Variants in DCAF8L2 observed in about 807,000 individuals in gnomAD.
DCAF8L2 encodes the protein DDB1 and CUL4 associated factor 8 like 2.
For missense variants in DCAF8L2, 430 were observed against 490.7 expected (o/e 0.88, Z 1.17); for synonymous variants, 200 against 190.9 (o/e 1.05, Z -0.39).
intron 2 of DCAF8L2, among the ~76,000 whole-genome samples, chrX:27,658,471 A>G (rs1023353316): frequency 6.2e-5 from 7 of 112,165 alleles, no homozygotes; most frequent in Non-Finnish European, 9.4e-5. Flanking sequence ...GAAAAAATGT[A>G]TAAGCCTTTT....
the DCAF8L2 span, chrX:27,518,810 G>A: frequency 2.0e-6 from 1 of 504,086 alleles, no homozygotes; most frequent in Non-Finnish European, 3.6e-6. Context: ...TTGTGGCTAG[G>A]TGTTGATGCT....
the DCAF8L2 span, chrX:27,518,854 T>C: frequency 2.2e-5 from 12 of 550,471 alleles, no homozygotes; most frequent in East Asian, 3.3e-4. Context: ...TGATGACAAG[T>C]TGACATCTAA....
rs781214191 is a variant in DCAF8L2, at chrX:27,724,555, C to T, written c.-59+8384C>T. ...GAACAAGGGGAAAAAAACCTTTTTACTCCAGAAGTCATTACTGTACTGGGT... is the reference window on the plus strand; with the variant it reads ...GAACAAGGGGAAAAAAACCTTTTTATTCCAGAAGTCATTACTGTACTGGGT... On this transcript the variant is annotated intron_variant, in intron 4 of 4. Coordinates refer to ENST00000451261, the MANE Select transcript of DCAF8L2 (RefSeq NM_001353450.2). 7.2e-5 allele frequency among the ~76,000 whole-genome samples: 8 copies of T among 110,909 alleles called. No homozygotes were observed. In the South Asian group the frequency reaches 2.6e-3, roughly 36 times the overall value.
chrX:27,565,171 G>C, the DCAF8L2 span, among the ~76,000 whole-genome samples: 3 of 110,498 alleles, frequency 2.7e-5, no homozygotes, highest in Non-Finnish European at 5.7e-5. Context: ...CATTGATTAT[G>C]ACATTAGCTG....
At chrX:27,532,062 G>GATAT in the DCAF8L2 span, among the ~76,000 whole-genome samples, 369 of 105,329 alleles carry the variant, frequency 3.5e-3, 1 homozygote, top group African/African-American at 0.011. Flanking sequence ...AATTGATATC[G>GATAT]ATATATATAT....
intron 4 of DCAF8L2, among the ~76,000 whole-genome samples, chrX:27,720,302 T>A (rs1931848504): frequency 8.9e-6 from 1 of 112,193 alleles, no homozygotes; most frequent in Non-Finnish European, 1.9e-5. Context: ...GAGTCTTGAA[T>A]CAGACAGTAA....
upstream of DCAF8L2, among the ~76,000 whole-genome samples, chrX:27,588,255 G>T (rs748054442): frequency 5.5e-5 from 6 of 109,425 alleles, no homozygotes; most frequent in African/African-American, 2.0e-4. Flanking sequence ...ACGGCATTTG[G>T]TTTTCTGTTC....
intron 3 of DCAF8L2, among the ~76,000 whole-genome samples, chrX:27,712,221 C>A (rs951855285): frequency 9.0e-6 from 1 of 111,570 alleles, no homozygotes; most frequent in Non-Finnish European, 1.9e-5. Flanking sequence ...GAATTGGCAT[C>A]TGTTGACTGT....
chrX:27,572,822 G>A, the DCAF8L2 span, among the ~76,000 whole-genome samples: 3 of 111,336 alleles, frequency 2.7e-5, no homozygotes, highest in Non-Finnish European at 3.8e-5. Context: ...TGTCTACTTA[G>A]ACCTTCCACT....
chrX:27,711,377 ATG>A (rs758790378), intron 3 of DCAF8L2, among the ~76,000 whole-genome samples: 137 of 95,948 alleles, frequency 1.4e-3, no homozygotes, highest in African/African-American at 2.6e-3. Flanking sequence ...CTACATCTAT[ATG>A]TGTGTGTGTG....
chrX:27,568,113 T>A, the DCAF8L2 span, among the ~76,000 whole-genome samples: 1 of 111,482 alleles, frequency 9.0e-6, no homozygotes, highest in Non-Finnish European at 1.9e-5. Context: ...GCATTTTGGT[T>A]TTTAATCTGG....
chrX:27,669,935 C>T (rs930933972), intron 2 of DCAF8L2, among the ~76,000 whole-genome samples: 6 of 111,537 alleles, frequency 5.4e-5, no homozygotes, highest in South Asian at 7.4e-4. Context: ...AATAAACATA[C>T]GTGTGCATGT....
chrX:27,591,325 A>G (rs1188008697), intron 1 of DCAF8L2, among the ~76,000 whole-genome samples: 1 of 110,897 alleles, frequency 9.0e-6, no homozygotes, highest in Non-Finnish European at 1.9e-5. Context: ...ATGCAATAAC[A>G]CTTTCCAGAT....
At chrX:27,711,377 ATGTGTGTG>A (rs758790378) in intron 3 of DCAF8L2, among the ~76,000 whole-genome samples, 1 of 96,352 alleles carries the variant, frequency 1.0e-5, no homozygotes, top group East Asian at 3.0e-4. Context: ...CTACATCTAT[ATGTGTGTG>A]TGTGTGTGTG....
chrX:27,663,010 A>G (rs1362735399), intron 2 of DCAF8L2, among the ~76,000 whole-genome samples: 1 of 111,646 alleles, frequency 9.0e-6, no homozygotes, highest in Non-Finnish European at 1.9e-5. Flanking sequence ...TTGCATTCCT[A>G]TTATCAAACT....
At chrX:27,561,325 G>T in the DCAF8L2 span, among the ~76,000 whole-genome samples, 1 of 111,613 alleles carries the variant, frequency 9.0e-6, no homozygotes, top group Admixed American at 9.5e-5. Flanking sequence ...TTATTGTACC[G>T]CATCAATCAC....
intron 1 of DCAF8L2, among the ~76,000 whole-genome samples, chrX:27,629,879 G>C (rs1928212770): frequency 9.0e-6 from 1 of 111,567 alleles, no homozygotes; most frequent in Non-Finnish European, 1.9e-5. Context: ...GAATAGCAAT[G>C]ACTCTGTAGG....
At chrX:27,658,297 A>T (rs1209198870) in intron 2 of DCAF8L2, among the ~76,000 whole-genome samples, 1 of 112,045 alleles carries the variant, frequency 8.9e-6, no homozygotes, top group Non-Finnish European at 1.9e-5. Context: ...GGCAAAATTA[A>T]ATATGATAGG....
intron 2 of DCAF8L2, among the ~76,000 whole-genome samples, chrX:27,661,590 T>C (rs750055215): frequency 8.9e-6 from 1 of 112,016 alleles, no homozygotes; most frequent in Non-Finnish European, 1.9e-5. Flanking sequence ...TATATGCTTG[T>C]TAACTTAATG....
Sources: allele counts gnomAD v4.1 joint callset (sites outside exome capture counted in the v4.1 genomes callset), GRCh38; gene constraint gnomAD v4.1.1; transcripts MANE v1.5; gene names NCBI Gene and HGNC (gene_info 2026-07-23, HGNC 2026-07-21).